ITPR2: variants seen among roughly 807,000 people sequenced by gnomAD.
ITPR2 encodes inositol 1,4,5-trisphosphate receptor type 2, also known as inositol 1,4,5-trisphosphate-gated calcium channel ITPR2.
In ITPR2, 207 loss-of-function variants were observed where a neutral mutation model predicts 317.1. The observed-to-expected ratio is 0.65, with a 90% CI of 0.58 to 0.73. The LOEUF (loss-of-function observed/expected upper bound fraction) is 0.73, where lower values mean the gene tolerates loss of function less well. ITPR2 is among the 30% of genes least tolerant of loss of function. The pLI, the probability that ITPR2 is intolerant of heterozygous loss-of-function variation, is 0.00. For missense variants in ITPR2, 2,613 were observed against 3,284.0 expected (o/e 0.80, Z 4.99); for synonymous variants, 1,156 against 1,149.1 (o/e 1.01, Z -0.12).
chr12:26,352,739 G>T (rs183519799), intron 55 of ITPR2, among the ~76,000 whole-genome samples: 48 of 152,332 alleles, frequency 3.2e-4, no homozygotes, highest in Admixed American at 7.2e-4. Flanking sequence ...TGGTTAGCAT[G>T]ATTAATGTGA....
intron 14 of ITPR2, 53 bp from the exon 15 acceptor site, chr12:26,663,899 C>T (rs895468771): frequency 5.1e-4 from 615 of 1,216,118 alleles, no homozygotes; most frequent in East Asian, 1.2e-3. Context: ...GTTTTGCAAC[C>T]TTTTTTTTTT....
intron 13 of ITPR2, among the ~76,000 whole-genome samples, chr12:26,669,520 C>T (rs1312328696): frequency 6.6e-6 from 1 of 152,164 alleles, no homozygotes; most frequent in Non-Finnish European, 1.5e-5. Flanking sequence ...CTTAAGACAT[C>T]AAAAGCAAAG....
At chr12:26,747,722 T>A (rs1450779940) in intron 2 of ITPR2, among the ~76,000 whole-genome samples, 1 of 152,214 alleles carries the variant, frequency 6.6e-6, no homozygotes, top group Admixed American at 6.5e-5. Flanking sequence ...TTGAGACCAA[T>A]GGTTCAGGTT....
chr12:26,508,319 T>C (rs886603558), intron 37 of ITPR2, among the ~76,000 whole-genome samples: 1 of 152,202 alleles, frequency 6.6e-6, no homozygotes, highest in East Asian at 1.9e-4. Flanking sequence ...CAAATACTCA[T>C]TGCTTCCCAG....
intron 32 of ITPR2, among the ~76,000 whole-genome samples, chr12:26,585,289 A>G (rs999398880): frequency 2.0e-5 from 3 of 152,178 alleles, no homozygotes; most frequent in African/African-American, 7.2e-5. Flanking sequence ...AGCATTTTAC[A>G]TTATTAAAAA....
intron 1 of ITPR2, among the ~76,000 whole-genome samples, chr12:26,818,007 G>A (rs1174854110): frequency 6.6e-6 from 1 of 152,196 alleles, no homozygotes; most frequent in Non-Finnish European, 1.5e-5. Flanking sequence ...TATTAGTATG[G>A]AAGAAGGGAA....
At chr12:26,768,902 T>C (rs777427341) in intron 2 of ITPR2, among the ~76,000 whole-genome samples, 5 of 151,914 alleles carry the variant, frequency 3.3e-5, no homozygotes, top group East Asian at 1.9e-4. Flanking sequence ...ACTTCCAAGA[T>C]AGGACACTCT....
At chr12:26,802,757 T>C (rs75643717) in intron 1 of ITPR2, among the ~76,000 whole-genome samples, 9,360 of 152,074 alleles carry the variant, frequency 0.062, 443 homozygotes, top group African/African-American at 0.13. Flanking sequence ...CTTTAAGATA[T>C]ACAAATTCTA....
intron 39 of ITPR2, among the ~76,000 whole-genome samples, chr12:26,487,712 T>C (rs903253714): frequency 3.3e-5 from 5 of 152,110 alleles, no homozygotes; most frequent in African/African-American, 1.2e-4. Context: ...AAGTGGAAAA[T>C]AGCCATCAAT....
At chr12:26,759,596 C>T (rs181698668) in intron 2 of ITPR2, among the ~76,000 whole-genome samples, 29 of 152,308 alleles carry the variant, frequency 1.9e-4, no homozygotes, top group African/African-American at 7.0e-4. Flanking sequence ...CTGGAACACA[C>T]AATCTTACTA....
At chr12:26,380,262 A>G (rs1353275149) in intron 55 of ITPR2, among the ~76,000 whole-genome samples, 1 of 152,196 alleles carries the variant, frequency 6.6e-6, no homozygotes, top group Non-Finnish European at 1.5e-5. Context: ...AACTAATAAG[A>G]GGAATAGAAA....
intron 2 of ITPR2, among the ~76,000 whole-genome samples, chr12:26,784,738 G>C (rs1476534891): frequency 6.6e-6 from 1 of 151,148 alleles, no homozygotes; most frequent in African/African-American, 2.4e-5. Flanking sequence ...AAAGTGCCGA[G>C]ATTGCAGCCT....
At chr12:26,601,376 A>G (rs114053159) in intron 28 of ITPR2, among the ~76,000 whole-genome samples, 1 of 152,194 alleles carries the variant, frequency 6.6e-6, no homozygotes, top group Non-Finnish European at 1.5e-5. Context: ...TTGCTCCTAA[A>G]TACCATTTCC....
intron 26 of ITPR2, among the ~76,000 whole-genome samples, chr12:26,616,979 C>T (rs890610969): frequency 4.6e-5 from 7 of 152,146 alleles, no homozygotes; most frequent in Admixed American, 4.6e-4. Flanking sequence ...TAAAAATACA[C>T]TACATAATTC....
intron 49 of ITPR2, among the ~76,000 whole-genome samples, chr12:26,426,065 G>C: frequency 6.6e-6 from 1 of 152,128 alleles, no homozygotes; most frequent in Non-Finnish European, 1.5e-5. Context: ...TCAGCTTCTG[G>C]ATGGCAAGAA....
chr12:26,824,330 C>T (rs769364274), intron 1 of ITPR2, among the ~76,000 whole-genome samples: 7 of 152,216 alleles, frequency 4.6e-5, no homozygotes, highest in South Asian at 2.1e-4. Flanking sequence ...TAAATCAAAC[C>T]ATCAAACCAT....
intron 9 of ITPR2, among the ~76,000 whole-genome samples, chr12:26,695,907 G>C (rs1289910125): frequency 6.6e-6 from 1 of 152,082 alleles, no homozygotes; most frequent in East Asian, 1.9e-4. Context: ...AGTAAGAATT[G>C]ACAATATCAC....
intron 47 of ITPR2, among the ~76,000 whole-genome samples, chr12:26,438,851 C>G (rs757443190): frequency 6.6e-6 from 1 of 152,152 alleles, no homozygotes. Context: ...TTGAAATGTA[C>G]AGCTTCAACC....
At chr12:26,738,842 T>C (rs1949177698) in intron 2 of ITPR2, among the ~76,000 whole-genome samples, 1 of 152,226 alleles carries the variant, frequency 6.6e-6, no homozygotes, top group Admixed American at 6.5e-5. Flanking sequence ...AGATTAGGTC[T>C]TTTCTATTTC....
Sources: allele counts gnomAD v4.1 joint callset (sites outside exome capture counted in the v4.1 genomes callset), GRCh38; gene constraint gnomAD v4.1.1; transcripts MANE v1.5; gene names NCBI Gene and HGNC (gene_info 2026-07-23, HGNC 2026-07-21).